The following WNT11 variants were observed in gnomAD, a reference collection of about 807,000 sequenced individuals.
The protein encoded by WNT11 is protein Wnt-11.
A neutral mutation model predicts 35.6 loss-of-function variants in WNT11; 20 were observed. The ratio of observed to expected loss-of-function variants is 0.56; its 90% confidence interval spans 0.40 to 0.82. WNT11 has a LOEUF of 0.82. Among genes scored for constraint, WNT11 ranks in the 40% least tolerant of loss-of-function variants. The probability of loss-of-function intolerance (pLI) is 0.00; values close to 1 mark genes in which losing one functional copy is unlikely to be tolerated. For missense variants in WNT11, 459 were observed against 504.4 expected (o/e 0.91, Z 0.86); for synonymous variants, 200 against 211.9 (o/e 0.94, Z 0.49).
At chr11:76,187,542 C>A (rs1284833865) in intron 4 of WNT11, among the ~76,000 whole-genome samples, 1 of 150,934 alleles carries the variant, frequency 6.6e-6, no homozygotes, top group Admixed American at 6.6e-5. Flanking sequence ...TGGCTCCCTG[C>A]AGCCTTGACC....
At chr11:76,199,322 A>G (rs2508775) in intron 1 of WNT11, among the ~76,000 whole-genome samples, 1 of 152,052 alleles carries the variant, frequency 6.6e-6, no homozygotes, top group African/African-American at 2.4e-5. Context: ...CGTCTCTACC[A>G]AAAAGTAAAA....
Position 76,191,567 on chromosome 11 carries a change from T to C in WNT11, c.887A>G (p.Asp296Gly), listed in dbSNP as rs1191153940. 6.2e-7 allele frequency: 1 copy of C among 1,609,292 alleles called. No homozygotes were observed. The highest frequency in any genetic ancestry group is 8.5e-7 in the Non-Finnish European group (1 of 1,176,466). The change falls in exon 4 of 5, where the codon GAC (aspartate) becomes GGC (glycine). Residue 296 changes from aspartate (D) to glycine (G), a missense_variant. Coordinates refer to ENST00000322563, the MANE Select transcript of WNT11 (RefSeq NM_004626.3). ...NEKVGSHGTQ[D>G]RQCNKTSNGS... ...CCAAGGTGGCAGCAGGCCTCACCTGTCTTGTGTCCCGTGGGAGCCCACCTT... is the reference window on the plus strand; with the variant it reads ...CCAAGGTGGCAGCAGGCCTCACCTGCCTTGTGTCCCGTGGGAGCCCACCTT...
intron 1 of WNT11, among the ~76,000 whole-genome samples, chr11:76,203,629 A>C (rs1022440563): frequency 6.6e-6 from 1 of 152,196 alleles, no homozygotes; most frequent in Non-Finnish European, 1.5e-5. Context: ...ATTTCTGGGC[A>C]GGTGCCTCTA....
At chr11:76,199,663 C>T (rs1473188249) in intron 1 of WNT11, among the ~76,000 whole-genome samples, 12 of 152,000 alleles carry the variant, frequency 7.9e-5, no homozygotes, top group African/African-American at 2.7e-4. Flanking sequence ...ATTAGCTGGG[C>T]GTGGTGGTGC....
chr11:76,191,421 T>C (rs1953181808), intron 4 of WNT11, 143 bp downstream of exon 4: 1 of 986,326 alleles, frequency 1.0e-6, no homozygotes. Context: ...CACTTAGCAG[T>C]CCTGGGGCCA....
At chr11:76,209,347 C>G (rs1953523985), upstream of WNT11, among the ~76,000 whole-genome samples, 1 of 152,010 alleles carries the variant, frequency 6.6e-6, no homozygotes, top group African/African-American at 2.4e-5. Context: ...GTCATAGGCC[C>G]GGTCTGTGGA....
In WNT11 at chr11:76,206,419, G is replaced by T. The variant is rs201233239; in HGVS notation, c.-12C>A. On this transcript the variant is annotated 5_prime_UTR_variant, in exon 1 of 5. Transcript: ENST00000322563. ...GGCCGCGCCCTCATCGTCGCGCGGC[G>T]GGCGCGCCCGGGGTCACACCCAGGA... is the stretch of plus-strand genomic sequence containing the variant. 1 of 1,494,388 alleles carries T rather than the reference G, an allele frequency of 6.7e-7. No individual in the cohort carries two copies. Among genetic ancestry groups the T allele is most frequent in the South Asian group, 1.3e-5 (1 of 78,484 alleles). 92.6% of individuals were successfully genotyped at this position (1,494,388 alleles called of 1,614,324 possible).
intron 1 of WNT11, among the ~76,000 whole-genome samples, chr11:76,202,145 G>A (rs1953389299): frequency 6.6e-6 from 1 of 152,200 alleles, no homozygotes; most frequent in Non-Finnish European, 1.5e-5. Flanking sequence ...GCTGGGCTCA[G>A]AGGGCCTCAG....
Position 76,191,667 on chromosome 11 carries a change from G to C in WNT11, c.787C>G (p.Leu263Val). ...GAGTCCTTCACAGGCCGGATATCCA[G>C]GTCCTTGGGCACCAGGTGCTTGCGG... ...GTRKHLVPKDLDIRPVKDSEL... is the reference protein window; with the variant it reads ...GTRKHLVPKDVDIRPVKDSEL... Residue 263 changes from leucine to valine, a missense_variant, in exon 4 of 5, where the codon CTG (leucine) becomes GTG (valine). Leu to Val is a conservative substitution (Grantham distance 32). Coordinates refer to ENST00000322563, the MANE Select transcript of WNT11 (RefSeq NM_004626.3). The C allele has an allele frequency of 6.2e-7, 1 of 1,614,068 alleles. No homozygotes were observed. The highest frequency in any genetic ancestry group is 1.1e-5 in the South Asian group (1 of 91,082).
At chr11:76,195,411 C>A (rs1256812826) in intron 2 of WNT11, among the ~76,000 whole-genome samples, 1 of 152,206 alleles carries the variant, frequency 6.6e-6, no homozygotes, top group Admixed American at 6.5e-5. Context: ...GGAGCTTGCC[C>A]TGTGATGACA....
chr11:76,206,249 C>A, intron 1 of WNT11, 76 bp downstream of exon 1: 1 of 1,286,846 alleles, frequency 7.8e-7, no homozygotes, highest in South Asian at 1.9e-5. Context: ...GCGCTCGCCC[C>A]ATCCAGGGGA....
chr11:76,204,307 G>A (rs913859111), intron 1 of WNT11, among the ~76,000 whole-genome samples: 5 of 152,172 alleles, frequency 3.3e-5, no homozygotes, highest in African/African-American at 1.2e-4. Context: ...TCTCATAGGA[G>A]TGCAGTATGA....
rs147812643 is a variant in WNT11 at position 76,196,829 on chromosome 11, C to T, written c.84-111G>A. The T allele has an allele frequency of 2.1e-4, 269 of 1,251,708 alleles. No individual in the cohort carries two copies. In the African/African-American group the frequency reaches 2.4e-3, roughly 11 times the overall value. The allele number at this position is 1,251,708 out of a possible 1,614,324, so 77.5% of individuals were successfully genotyped here. On this transcript the variant is annotated intron_variant, in intron 1 of 4. Coordinates refer to ENST00000322563, the MANE Select transcript of WNT11 (RefSeq NM_004626.3). ...CAGCCTTTCCCTCAATGGACTTTGC[C>T]TCCTGGTTTCCTGGCTCCTTCCAAA...
chr11:76,200,292 G>A (rs925687379), intron 1 of WNT11, among the ~76,000 whole-genome samples: 2 of 152,190 alleles, frequency 1.3e-5, no homozygotes, highest in African/African-American at 2.4e-5. Context: ...TCCCTCAGAC[G>A]CGGTTTCTTG....
At chr11:76,203,187 C>T (rs1953411328) in intron 1 of WNT11, among the ~76,000 whole-genome samples, 1 of 152,236 alleles carries the variant, frequency 6.6e-6, no homozygotes, top group African/African-American at 2.4e-5. Context: ...AGGCCTCCTG[C>T]ATCCTGAGGT....
intron 1 of WNT11, among the ~76,000 whole-genome samples, chr11:76,201,046 G>A (rs1953366454): frequency 6.6e-6 from 1 of 152,206 alleles, no homozygotes; most frequent in South Asian, 2.1e-4. Flanking sequence ...TGGTGCCTGG[G>A]TCTCCTAGGC....
At chr11:76,196,790 C>T (rs893531565) in intron 1 of WNT11, 72 bp from the exon 2 acceptor site, 34 of 1,469,246 alleles carry the variant, frequency 2.3e-5, no homozygotes, top group Middle Eastern at 2.4e-4. Context: ...GGCCTCCACC[C>T]GCCCTTCTGG....
intron 4 of WNT11, among the ~76,000 whole-genome samples, chr11:76,188,434 C>G (rs182992405): frequency 9.8e-5 from 15 of 152,370 alleles, no homozygotes; most frequent in Middle Eastern, 3.4e-3. Context: ...AAAATGCAAA[C>G]ATCCTTCCAC....
intron 1 of WNT11, among the ~76,000 whole-genome samples, chr11:76,197,881 T>C (rs1297956928): frequency 6.6e-6 from 1 of 152,146 alleles, no homozygotes; most frequent in African/African-American, 2.4e-5. Flanking sequence ...GGACTCCACA[T>C]GGACTCACTC....
Sources: gnomAD v4.1 joint callset for allele counts (sites outside exome capture counted in the v4.1 genomes callset) on GRCh38, gnomAD v4.1.1 for gene constraint, MANE v1.5 for transcripts, NCBI Gene and HGNC (gene_info 2026-07-23, HGNC 2026-07-21) for gene names.